Variants in BAZ2B observed in about 807,000 individuals in gnomAD.
The protein encoded by BAZ2B is bromodomain adjacent to zinc finger domain 2B.
A neutral mutation model predicts 246.0 loss-of-function variants in BAZ2B; 91 were observed. The ratio of observed to expected loss-of-function variants is 0.37; its 90% confidence interval spans 0.31 to 0.44. BAZ2B has a LOEUF of 0.44. Among genes scored for constraint, BAZ2B ranks in the 20% least tolerant of loss-of-function variants. The probability of loss-of-function intolerance (pLI) is 1.00; values close to 1 mark genes in which losing one functional copy is unlikely to be tolerated. For missense variants in BAZ2B, 2,332 were observed against 2,533.7 expected, an observed-to-expected ratio of 0.92 and a Z score of 1.71; for synonymous variants, 855 against 860.0, an observed-to-expected ratio of 0.99 and a Z score of 0.10.
At chr2:159,484,175 G>C (rs1225783350) in intron 2 of BAZ2B, among the ~76,000 whole-genome samples, 3 of 152,146 alleles carry the variant, frequency 2.0e-5, no homozygotes. Context: ...TCCAAACTAA[G>C]TTGTTAGTGT....
chr2:159,454,659 C>T (rs58694618), intron 3 of BAZ2B, among the ~76,000 whole-genome samples: 4,604 of 152,232 alleles, frequency 0.03, 214 homozygotes, highest in African/African-American at 0.1. Flanking sequence ...GACTATACTT[C>T]TTAGGTGAGA....
chr2:159,625,314 G>A, the BAZ2B span, among the ~76,000 whole-genome samples: 1 of 152,078 alleles, frequency 6.6e-6, no homozygotes, highest in Non-Finnish European at 1.5e-5. Flanking sequence ...TCAAATTCAG[G>A]AAACACAGAG....
chr2:159,473,475 C>T (rs2078100267), intron 3 of BAZ2B, among the ~76,000 whole-genome samples: 1 of 152,026 alleles, frequency 6.6e-6, no homozygotes, highest in Non-Finnish European at 1.5e-5. Context: ...ATTAGTCTGG[C>T]TAGCAGTCTA....
intron 27 of BAZ2B, among the ~76,000 whole-genome samples, chr2:159,351,252 G>A (rs1160761484): frequency 6.6e-6 from 1 of 151,938 alleles, no homozygotes; most frequent in African/African-American, 2.4e-5. Context: ...AACTGCTAGA[G>A]GGTTTTATTG....
chr2:159,503,871 G>A (rs184488242), intron 2 of BAZ2B, among the ~76,000 whole-genome samples: 6 of 152,252 alleles, frequency 3.9e-5, no homozygotes, highest in Admixed American at 2.0e-4. Context: ...GTGAGCCACC[G>A]CGCCTGGCCG....
intron 34 of BAZ2B, among the ~76,000 whole-genome samples, chr2:159,329,536 C>G (rs1174539567): frequency 6.6e-6 from 1 of 152,028 alleles, no homozygotes; most frequent in East Asian, 1.9e-4. Context: ...TACATACATA[C>G]ACACACACAT....
Position 159,565,818 on chromosome 2 carries a change from A to C in BAZ2B, c.-45-9953T>G, listed in dbSNP as rs185588964. ...GGAAAAAAAAAAAAGAAGAAGAAAG[A>C]AAGCTTGTATCTGTCCTTGCTGCTG... On this transcript the variant is annotated intron_variant, in intron 1 of 36. Coordinates refer to ENST00000392783, the MANE Select transcript of BAZ2B (RefSeq NM_013450.4). Among the ~76,000 whole-genome samples the C allele has an allele frequency of 9.9e-5, 15 of 151,896 alleles. No homozygotes were observed. The South Asian group carries it at 1.0e-3, about 11-fold the overall frequency.
intron 6 of BAZ2B, among the ~76,000 whole-genome samples, chr2:159,442,491 C>T (rs1394712101): frequency 6.6e-6 from 1 of 152,112 alleles, no homozygotes; most frequent in South Asian, 2.1e-4. Flanking sequence ...TATACTTCCC[C>T]CTCATTTTTT....
intron 3 of BAZ2B, chr2:159,463,300 C>T (rs182652273): frequency 1.9e-4 from 62 of 329,394 alleles, no homozygotes; most frequent in Admixed American, 1.5e-3. Context: ...TTAAAAAAGA[C>T]GATTCCTTAA....
chr2:159,508,579 T>C (rs916889566), intron 2 of BAZ2B, among the ~76,000 whole-genome samples: 1 of 149,812 alleles, frequency 6.7e-6, no homozygotes, highest in African/African-American at 2.4e-5. Flanking sequence ...AAATTCATAT[T>C]AAGGCAAATT....
At chr2:159,608,296 G>C (rs73010634) in intron 1 of BAZ2B, among the ~76,000 whole-genome samples, 11,161 of 152,212 alleles carry the variant, frequency 0.073, 519 homozygotes, top group East Asian at 0.14. Flanking sequence ...GATCCCTTGA[G>C]CTCAGGAGGT....
chr2:159,403,158 T>C (rs1386326155), intron 16 of BAZ2B, among the ~76,000 whole-genome samples: 2 of 141,196 alleles, frequency 1.4e-5, no homozygotes, highest in African/African-American at 5.1e-5. Context: ...ACATGTACTA[T>C]TTTATTCTAG....
At chr2:159,704,987 C>T in the BAZ2B span, among the ~76,000 whole-genome samples, 11 of 151,986 alleles carry the variant, frequency 7.2e-5, no homozygotes, top group Non-Finnish European at 1.0e-4. Flanking sequence ...CGAGCCACCA[C>T]GCCCAGCCTC....
At chr2:159,567,944 C>T (rs1461258745) in intron 1 of BAZ2B, among the ~76,000 whole-genome samples, 2 of 152,118 alleles carry the variant, frequency 1.3e-5, no homozygotes, top group East Asian at 3.8e-4. Flanking sequence ...TGCACTCCAG[C>T]CTGGGGAAAG....
In BAZ2B at chr2:159,462,904, T is replaced by TC. The variant is rs1363384961; in HGVS notation, c.146-9104dup. On this transcript the variant is annotated intron_variant, in intron 3 of 36. Transcript: ENST00000392783. ...CTGTCACAGGATTCTCTCCAAGACT[T>TC]CAGACCTCCATCTACTTGTTTTGGC... The TC allele has an allele frequency of 3.8e-6, 6 of 1,581,302 alleles. No homozygotes were observed. In the African/African-American group the frequency reaches 6.7e-5, roughly 18 times the overall value.
In BAZ2B at chr2:159,347,489, C is replaced by T. The variant is rs200181725; in HGVS notation, c.5451G>A (p.Val1817=). ...TTTTATTCCAAGTCGATTTTACCTT[C>T]ACTTGCAAACTTGCTGATGCAACTC... The part of the protein sequence containing the change: ...ERRVASASLQ[V]KGWMCPEPAS... The change falls in exon 31 of 37, where the codon GTG becomes GTA. Residue 1817 remains valine, a synonymous_variant. Transcript: ENST00000392783. 1.9e-6 allele frequency: 3 copies of T among 1,613,540 alleles called. No individual in the cohort carries two copies. The highest frequency in any genetic ancestry group is 2.5e-6 in the Non-Finnish European group (3 of 1,179,656).
At chr2:159,436,833 A>G (rs2072437625) in intron 8 of BAZ2B, among the ~76,000 whole-genome samples, 1 of 152,182 alleles carries the variant, frequency 6.6e-6, no homozygotes, top group Non-Finnish European at 1.5e-5. Flanking sequence ...TATGTATTCA[A>G]TCAATCTATA....
At chr2:159,613,993 CT>C (rs966037712) in intron 1 of BAZ2B, among the ~76,000 whole-genome samples, 4 of 152,112 alleles carry the variant, frequency 2.6e-5, no homozygotes, top group Admixed American at 6.5e-5. Context: ...TTTCTATTAG[CT>C]TTTTTTAAGT....
chr2:159,535,946 C>A (rs1353204243), intron 2 of BAZ2B, among the ~76,000 whole-genome samples: 1 of 152,054 alleles, frequency 6.6e-6, no homozygotes, highest in Non-Finnish European at 1.5e-5. Context: ...GGTAATTGGT[C>A]CCCAAGTTCT....
Sources: gnomAD v4.1 joint callset for allele counts (sites outside exome capture counted in the v4.1 genomes callset) on GRCh38, gnomAD v4.1.1 for gene constraint, MANE v1.5 for transcripts, NCBI Gene and HGNC (gene_info 2026-07-23, HGNC 2026-07-21) for gene names.